Variants in HMGXB3 observed in about 807,000 individuals in gnomAD.
The protein encoded by HMGXB3 is HMG domain-containing protein 3.
Under a neutral mutation model 121.5 loss-of-function variants are expected in HMGXB3, and 45 were observed. The observed-to-expected ratio is 0.37, with a 90% CI of 0.29 to 0.47. The LOEUF (loss-of-function observed/expected upper bound fraction) is 0.47. HMGXB3 is among the 20% of genes least tolerant of loss of function. The pLI is 0.99. For synonymous variants in HMGXB3, 590 were observed against 624.1 expected (o/e 0.95, Z 0.81); for missense variants, 1,376 against 1,602.2 (o/e 0.86, Z 2.41).
At chr5:150,010,056 G>A (rs1755792064) in intron 3 of HMGXB3, 55 bp from the exon 4 acceptor site, 1 of 1,504,310 alleles carries the variant, frequency 6.6e-7, no homozygotes, top group Non-Finnish European at 8.9e-7. Context: ...TCTCCATGTG[G>A]TCTTAGTCCA....
rs1441025308 is a variant in HMGXB3 at position 150,051,974 on chromosome 5, G to A, written c.3661G>A (p.Ala1221Thr). 1.9e-6 allele frequency: 3 copies of A among 1,552,270 alleles called. No individual in the cohort carries two copies. In the South Asian group the frequency reaches 3.6e-5, roughly 18 times the overall value. ...AAACGGTGTCCGCCAGCGGCCCATT[G>A]CCTTCGACAATGCCACTCACTATTA... ...KPNGVRQRPIAFDNATHYYLY... is the reference protein window; with the variant it reads ...KPNGVRQRPITFDNATHYYLY... The change falls in exon 20 of 20, where the codon GCC (alanine) becomes ACC (threonine). Residue 1221 changes from alanine to threonine, a missense_variant. Ala to Thr is a moderately conservative substitution (Grantham distance 58). Around this residue, in one of 2 missense-constraint regions of HMGXB3, gnomAD observed 260 missense variants for 233.2 expected, o/e 1.11. Transcript: ENST00000502717.
rs1480671244 is a variant in HMGXB3 at position 150,010,171 on chromosome 5, C to T, written c.373C>T (p.Leu125Phe). The T allele has an allele frequency of 5.2e-6, 8 of 1,551,790 alleles. No individual in the cohort carries two copies. The highest frequency in any genetic ancestry group is 7.0e-6 in the Non-Finnish European group (8 of 1,147,010). The change falls in exon 4 of 20, where the codon CTC becomes TTC. Residue 125 changes from leucine (L) to phenylalanine (F), a missense_variant. Physicochemically the swap from Leu to Phe is conservative, Grantham distance 22. Transcript: ENST00000502717. ...GGACATCCCAGGTTTCCGCAAGATC[C>T]TCCCACGCTCAGATTATATCATCAT... is the stretch of plus-strand genomic sequence containing the variant. ...VPDIPGFRKI[L>F]PRSDYIIIPK...
intron 15 of HMGXB3, among the ~76,000 whole-genome samples, chr5:150,045,110 C>T (rs1384229136): frequency 1.3e-5 from 2 of 152,178 alleles, no homozygotes; most frequent in Non-Finnish European, 2.9e-5. Context: ...CTCAGCCATC[C>T]CCAGACTTGT....
chr5:150,030,916 G>T (rs1756357887), intron 10 of HMGXB3, 77 bp downstream of exon 10: 5 of 1,018,642 alleles, frequency 4.9e-6, no homozygotes, highest in Non-Finnish European at 7.5e-6. Flanking sequence ...GTAGGAGGCT[G>T]GGGGAGAGGG....
intron 8 of HMGXB3, 52 bp downstream of exon 8, chr5:150,026,933 C>T: frequency 6.6e-7 from 1 of 1,519,778 alleles, no homozygotes; most frequent in East Asian, 2.5e-5. Context: ...AGGAAAGGGA[C>T]AGGAGTGGGG....
chr5:150,036,580 C>A, intron 11 of HMGXB3, 56 bp from the exon 12 acceptor site: 1 of 1,431,402 alleles, frequency 7.0e-7, no homozygotes, highest in Non-Finnish European at 9.3e-7. Context: ...TTATTTTAGC[C>A]TGAAGCTGGC....
chr5:150,036,617 C>A lies in HMGXB3; in HGVS notation c.1984-19C>A. ...CTTTCTGCTCTGAGTGCTTGGTGAT[C>A]AATCCACTCTCTTCCCAGGAGGTGA... On this transcript the variant is annotated intron_variant, in intron 11 of 19. Coordinates refer to ENST00000502717, the MANE Select transcript of HMGXB3 (RefSeq NM_014983.3). The A allele has an allele frequency of 6.6e-7, 1 of 1,512,396 alleles. No homozygotes were observed. The highest frequency in any genetic ancestry group is 1.3e-5 in the South Asian group (1 of 78,092). The allele number at this position is 1,512,396 out of a possible 1,614,324, so 93.7% of individuals were successfully genotyped here.
chr5:150,030,865 G>T (rs1420047455), intron 10 of HMGXB3, 26 bp downstream of exon 10: 1 of 1,509,730 alleles, frequency 6.6e-7, no homozygotes, highest in East Asian at 2.5e-5. Context: ...GGTGGTGGTG[G>T]GTTGACATGG....
In HMGXB3 at chr5:150,036,922, T is replaced by G; in HGVS notation, c.2270T>G (p.Phe757Cys). The stretch of plus-strand genomic sequence containing the variant: ...TGCCTTCTCTGTAGCAGCCCATTAT[T>G]CAAAGGGGGACAAAAGTAAGCACCC... ...TQCLLCSSPLFKGGQNSLAGP... is the reference protein window; with the variant it reads ...TQCLLCSSPLCKGGQNSLAGP... Residue 757 changes from phenylalanine to cysteine, a missense_variant, in exon 12 of 20, where the codon TTC becomes TGC. Phe to Cys is a radical substitution (Grantham distance 205, BLOSUM62 -2). Transcript: ENST00000502717. 1 of 1,550,944 alleles carries G rather than the reference T, an allele frequency of 6.4e-7. No homozygotes were observed. Among genetic ancestry groups the G allele is most frequent in the South Asian group, 1.2e-5 (1 of 83,906 alleles).
intron 15 of HMGXB3, among the ~76,000 whole-genome samples, chr5:150,045,002 G>A (rs959596169): frequency 1.3e-5 from 2 of 152,180 alleles, no homozygotes; most frequent in African/African-American, 2.4e-5. Context: ...GATTCTGCTC[G>A]TTCTTGCCAG....
chr5:150,014,341 T>C (rs1755912905), intron 5 of HMGXB3, among the ~76,000 whole-genome samples: 1 of 152,248 alleles, frequency 6.6e-6, no homozygotes, highest in African/African-American at 2.4e-5. Flanking sequence ...CAATATGCAG[T>C]TTAAACAAAC....
At chr5:150,039,772 A>G (rs1351340196) in intron 13 of HMGXB3, among the ~76,000 whole-genome samples, 1 of 151,952 alleles carries the variant, frequency 6.6e-6, no homozygotes, top group Non-Finnish European at 1.5e-5. Flanking sequence ...TTGCTTTTTA[A>G]AAAATATTTG....
intron 6 of HMGXB3, among the ~76,000 whole-genome samples, chr5:150,023,965 C>A (rs2244195): frequency 0.81 from 122,659 of 152,242 alleles, 49,493 homozygotes; most frequent in African/African-American, 0.84. Context: ...TAAATGTAAA[C>A]CTAAAAAATG....
intron 9 of HMGXB3, among the ~76,000 whole-genome samples, chr5:150,029,917 A>G (rs1232715436): frequency 6.6e-6 from 1 of 152,130 alleles, no homozygotes; most frequent in Non-Finnish European, 1.5e-5. Context: ...AGTTTTGTAT[A>G]TTTCCAGCCC....
In HMGXB3 at chr5:150,047,473, A is replaced by G. The variant is rs977402848; in HGVS notation, c.2951-151A>G. The G allele has an allele frequency of 2.0e-4, 157 of 794,538 alleles. No homozygotes were observed. In the African/African-American group the frequency reaches 2.6e-3, roughly 13 times the overall value. 49.2% of individuals were successfully genotyped at this position (794,538 alleles called of 1,614,324 possible). ...TAATAGACTTCAAATATCTGCAGAAAGCGTGGACCTGACTTGAGTTCCACC... is the reference window on the plus strand; with the variant it reads ...TAATAGACTTCAAATATCTGCAGAAGGCGTGGACCTGACTTGAGTTCCACC... On this transcript the variant is annotated intron_variant, in intron 16 of 19. Coordinates refer to ENST00000502717, the MANE Select transcript of HMGXB3 (RefSeq NM_014983.3).
At position 150,051,833 on chromosome 5, in the gene HMGXB3, C is replaced by T. The variant is rs1463869209; in HGVS notation, c.3520C>T (p.His1174Tyr). 15 of 1,550,186 alleles carry T rather than the reference C, an allele frequency of 9.7e-6. No individual in the cohort carries two copies. The highest frequency in any genetic ancestry group is 1.3e-5 in the Non-Finnish European group (15 of 1,147,094). The change falls in exon 20 of 20, where the codon CAT (histidine) becomes TAT (tyrosine). Residue 1174 changes from histidine to tyrosine, a missense_variant. By Grantham distance (83) the His-to-Tyr change is moderately conservative. Around this residue, in one of 2 missense-constraint regions of HMGXB3, gnomAD observed 260 missense variants for 233.2 expected, o/e 1.11. Transcript: ENST00000502717. ...VTKTATRRIV[H>Y]AGLQPNPGDP... is the part of the protein sequence containing the mutation. ...CAAGACTGCCACGCGGCGCATCGTC[C>T]ATGCAGGCCTACAGCCCAATCCTGG...
At chr5:150,026,604 A>G (rs1302038132) in intron 7 of HMGXB3, 102 bp from the exon 8 acceptor site, 12 of 987,912 alleles carry the variant, frequency 1.2e-5, no homozygotes, top group African/African-American at 1.7e-5. Context: ...TTGACAGTTT[A>G]ACCCCAATAC....
chr5:150,051,698 C>G (rs760965695), intron 19 of HMGXB3, 27 bp from the exon 20 acceptor site: 1 of 1,477,976 alleles, frequency 6.8e-7, no homozygotes, highest in Non-Finnish European at 9.0e-7. Flanking sequence ...TCCTTCTTAT[C>G]AAAATGCATT....
At chr5:150,023,691 T>C (rs544670639) in intron 6 of HMGXB3, among the ~76,000 whole-genome samples, 3 of 152,354 alleles carry the variant, frequency 2.0e-5, no homozygotes, top group Non-Finnish European at 4.4e-5. Flanking sequence ...ATGCATGAGT[T>C]AATTTGATCC....
Sources: gnomAD v4.1 joint callset for allele counts (sites outside exome capture counted in the v4.1 genomes callset) on GRCh38, gnomAD v4.1.1 for gene constraint, gnomAD v4.1.1 regional missense constraint, MANE v1.5 for transcripts, NCBI Gene and HGNC (gene_info 2026-07-23, HGNC 2026-07-21) for gene names.